Variants in LUZP2 observed in about 807,000 individuals in gnomAD.
LUZP2 encodes leucine zipper protein 2.
In LUZP2, 52 loss-of-function variants were observed where a neutral mutation model predicts 51.6. That is an observed-to-expected ratio of 1.01 (90% CI 0.81 to 1.27). The LOEUF is 1.27. Ranked by LOEUF, LUZP2 falls within the 50% of genes most tolerant of loss-of-function variation. The pLI is 0.00. For missense variants in LUZP2, 436 were observed against 395.4 expected (o/e 1.10, Z -0.87); for synonymous variants, 154 against 137.3 (o/e 1.12, Z -0.85).
At chr11:24,724,841 T>C (rs1321954242) in intron 1 of LUZP2, among the ~76,000 whole-genome samples, 2 of 152,096 alleles carry the variant, frequency 1.3e-5, no homozygotes, top group Admixed American at 1.3e-4. Flanking sequence ...AAAATCAACT[T>C]ACAGACAGTA....
chr11:24,790,132 T>G (rs1421601705), intron 5 of LUZP2, among the ~76,000 whole-genome samples: 1 of 152,190 alleles, frequency 6.6e-6, no homozygotes, highest in Non-Finnish European at 1.5e-5. Flanking sequence ...TATATGCTGT[T>G]GTGTCACTCA....
intron 5 of LUZP2, among the ~76,000 whole-genome samples, chr11:24,866,290 G>A (rs1252214419): frequency 6.6e-6 from 1 of 151,980 alleles, no homozygotes; most frequent in Non-Finnish European, 1.5e-5. Flanking sequence ...TATGAGTATG[G>A]CTGACAGAAA....
Position 24,983,234 on chromosome 11 carries a change from A to G in LUZP2, c.706A>G (p.Met236Val). ...LSLITSNPTR[M>V]LLPPRNIASK... The stretch of plus-strand genomic sequence containing the variant: ...TTTAATCACATCAAATCCAACTCGG[A>G]TGTTACTCCCACCCAGGAATATTGC... Residue 236 changes from methionine to valine, a missense_variant, in exon 9 of 12, where the codon ATG becomes GTG. Physicochemically the swap from Met to Val is conservative, Grantham distance 21 (BLOSUM62 1). Coordinates refer to ENST00000336930, the MANE Select transcript of LUZP2 (RefSeq NM_001009909.4). 1 of 1,612,234 alleles carries G rather than the reference A, an allele frequency of 6.2e-7. No homozygotes were observed. The highest frequency in any genetic ancestry group is 8.5e-7 in the Non-Finnish European group (1 of 1,178,848).
At chr11:25,055,452 G>A (rs887960267) in intron 10 of LUZP2, among the ~76,000 whole-genome samples, 2 of 151,914 alleles carry the variant, frequency 1.3e-5, no homozygotes, top group African/African-American at 4.8e-5. Context: ...TGCATTTCCA[G>A]ATTGTTAATT....
At chr11:24,720,109 TTTAC>T (rs1858207309) in intron 1 of LUZP2, among the ~76,000 whole-genome samples, 7 of 152,196 alleles carry the variant, frequency 4.6e-5, no homozygotes, top group Non-Finnish European at 1.0e-4. Context: ...TATTTGAGTA[TTTAC>T]GTATCTATTA....
chr11:24,924,298 G>A (rs1024616727), intron 7 of LUZP2, among the ~76,000 whole-genome samples: 1 of 151,842 alleles, frequency 6.6e-6, no homozygotes, highest in African/African-American at 2.4e-5. Context: ...GGATGGTCTC[G>A]GTCTCCTGAC....
At chr11:24,956,315 A>G (rs1855207876) in intron 7 of LUZP2, among the ~76,000 whole-genome samples, 1 of 152,018 alleles carries the variant, frequency 6.6e-6, no homozygotes, top group African/African-American at 2.4e-5. Context: ...TTTTCCCTGG[A>G]ACCTGCAGAA....
intron 1 of LUZP2, among the ~76,000 whole-genome samples, chr11:24,669,988 C>T (rs1249428137): frequency 6.6e-6 from 1 of 151,924 alleles, no homozygotes; most frequent in African/African-American, 2.4e-5. Flanking sequence ...TATCTGGCTA[C>T]ATTCTGAATT....
chr11:24,857,761 C>T (rs1450945682), intron 5 of LUZP2, among the ~76,000 whole-genome samples: 1 of 151,976 alleles, frequency 6.6e-6, no homozygotes, highest in Non-Finnish European at 1.5e-5. Flanking sequence ...TTTTAGCATG[C>T]TTCCAGCCAC....
At chr11:24,869,841 CAAGTCTCTTACTTTA>C (rs1465785450) in intron 5 of LUZP2, among the ~76,000 whole-genome samples, 1 of 152,050 alleles carries the variant, frequency 6.6e-6, no homozygotes, top group Non-Finnish European at 1.5e-5. Context: ...GAAAGAGTCG[CAAGTCTCTTACTTTA>C]AATCAAAAGC....
intron 1 of LUZP2, among the ~76,000 whole-genome samples, chr11:24,617,225 T>C (rs1038249425): frequency 1.3e-5 from 2 of 150,540 alleles, no homozygotes; most frequent in Middle Eastern, 3.4e-3. Flanking sequence ...ATTTTTTTTT[T>C]CCCTCTGTAC....
At chr11:24,640,032 G>T (rs1274208728) in intron 1 of LUZP2, among the ~76,000 whole-genome samples, 2 of 151,844 alleles carry the variant, frequency 1.3e-5, no homozygotes, top group African/African-American at 4.9e-5. Flanking sequence ...TTTTGCTAAT[G>T]TTGCTTATTG....
At chr11:24,735,234 G>C (rs1317015949) in intron 3 of LUZP2, among the ~76,000 whole-genome samples, 1 of 151,840 alleles carries the variant, frequency 6.6e-6, no homozygotes, top group Non-Finnish European at 1.5e-5. Flanking sequence ...GAGAAAATGA[G>C]AGTCATGTTG....
intron 5 of LUZP2, among the ~76,000 whole-genome samples, chr11:24,771,156 T>A (rs1293718247): frequency 6.6e-6 from 1 of 152,076 alleles, no homozygotes; most frequent in African/African-American, 2.4e-5. Context: ...AAATATAGAT[T>A]TGATACTATA....
At position 25,050,028 on chromosome 11, in the gene LUZP2, C is replaced by T; in HGVS notation, c.766-10C>T. 1.3e-6 allele frequency: 2 copies of T among 1,533,810 alleles called. No homozygotes were observed. Among genetic ancestry groups the T allele is most frequent in the Non-Finnish European group, 1.8e-6 (2 of 1,134,742 alleles). Reference sequence around the variant, plus strand: ...TTTCTTTCTTTCTATCTCTCTTCGTCTCTTTTAAGCCTCAACAAAGTGCTT... The same window carrying T: ...TTTCTTTCTTTCTATCTCTCTTCGTTTCTTTTAAGCCTCAACAAAGTGCTT... On this transcript the variant is annotated splice_polypyrimidine_tract_variant and intron_variant, in intron 9 of 11. Transcript: ENST00000336930.
In LUZP2 at chr11:25,015,054, T is replaced by C. The variant is rs563600119; in HGVS notation, c.765+31761T>C. On this transcript the variant is annotated intron_variant, in intron 9 of 11. Transcript: ENST00000336930. ...TTTGTCAGGTTTGTCAAAGATCAGA[T>C]AGTTGTAGATATGCATTGTATTTAT... 2.0e-5 allele frequency among the ~76,000 whole-genome samples: 3 copies of C among 152,302 alleles called. No individual in the cohort carries two copies. The East Asian group carries it at 5.8e-4, about 29-fold the overall frequency.
chr11:24,738,940 C>A (rs979202540), intron 4 of LUZP2, among the ~76,000 whole-genome samples: 2 of 152,062 alleles, frequency 1.3e-5, no homozygotes, highest in South Asian at 2.1e-4. Flanking sequence ...CCCAAAGCCA[C>A]CTTACGCACC....
chr11:24,931,666 G>A (rs1162593420), intron 7 of LUZP2, among the ~76,000 whole-genome samples: 1 of 152,028 alleles, frequency 6.6e-6, no homozygotes, highest in East Asian at 1.9e-4. Context: ...ATTTCTTTAA[G>A]TTGGTATTCA....
intron 1 of LUZP2, among the ~76,000 whole-genome samples, chr11:24,609,427 T>C (rs1854042161): frequency 6.6e-6 from 1 of 151,936 alleles, no homozygotes; most frequent in Non-Finnish European, 1.5e-5. Context: ...GAAACATAAA[T>C]TGTGGCAATT....
Sources: allele counts gnomAD v4.1 joint callset (sites outside exome capture counted in the v4.1 genomes callset), GRCh38; gene constraint gnomAD v4.1.1; transcripts MANE v1.5; gene names NCBI Gene and HGNC (gene_info 2026-07-23, HGNC 2026-07-21).